Variants in SLC22A15 observed in about 807,000 individuals in gnomAD.
SLC22A15 encodes flipt 1.
A neutral mutation model predicts 62.7 loss-of-function variants in SLC22A15; 45 were observed. The observed-to-expected ratio is 0.72, with a 90% CI of 0.56 to 0.92. SLC22A15 has a LOEUF of 0.92. SLC22A15 is among the 40% of genes least tolerant of loss of function. The probability of loss-of-function intolerance (pLI) is 0.00; values close to 1 mark genes in which losing one functional copy is unlikely to be tolerated. For synonymous variants in SLC22A15, 264 were observed against 267.0 expected (o/e 0.99, Z 0.11); for missense variants, 622 against 665.6 (o/e 0.93, Z 0.72).
chr1:116,048,915 C>T (rs912561247), intron 8 of SLC22A15, among the ~76,000 whole-genome samples: 6 of 152,184 alleles, frequency 3.9e-5, no homozygotes, highest in African/African-American at 1.4e-4. Flanking sequence ...AAAGGCATTT[C>T]ATGCAAATGG....
chr1:116,049,870 G>C (rs1043525252), intron 8 of SLC22A15, among the ~76,000 whole-genome samples: 1 of 152,072 alleles, frequency 6.6e-6, no homozygotes, highest in Non-Finnish European at 1.5e-5. Context: ...ACCAAGAAAA[G>C]AGAGAAAATC....
At chr1:116,041,823 T>C (rs1408456497) in intron 8 of SLC22A15, among the ~76,000 whole-genome samples, 1 of 152,118 alleles carries the variant, frequency 6.6e-6, no homozygotes, top group Admixed American at 6.5e-5. Context: ...CACCAGAAAG[T>C]GGCAGGCAGA....
At position 116,068,314 on chromosome 1, in the gene SLC22A15, T is replaced by C. The variant is rs1658543458; in HGVS notation, c.*1206T>C. 1 of 152,630 alleles carries C rather than the reference T, an allele frequency of 6.6e-6. No individual in the cohort carries two copies. Among genetic ancestry groups the C allele is most frequent in the Admixed American group, 6.5e-5 (1 of 15,286 alleles). The allele number at this position is 152,630 out of a possible 1,614,324, so 9.5% of individuals were successfully genotyped here. A position where few individuals can be genotyped will look rare whatever the true frequency, so the allele number is the denominator to read the frequency against. On this transcript the variant is annotated 3_prime_UTR_variant, in exon 12 of 12. Coordinates refer to ENST00000369503, the MANE Select transcript of SLC22A15 (RefSeq NM_018420.3). Reference sequence around the variant, plus strand: ...CAAGCTTAGGCAGCATTGATTTAGGTCACTTTCCCAGTGAGGAAAATTTCT... The same window carrying C: ...CAAGCTTAGGCAGCATTGATTTAGGCCACTTTCCCAGTGAGGAAAATTTCT...
chr1:115,999,412 T>C (rs1655596870), intron 2 of SLC22A15, among the ~76,000 whole-genome samples: 1 of 152,214 alleles, frequency 6.6e-6, no homozygotes, highest in South Asian at 2.1e-4. Flanking sequence ...CAGCAACTAT[T>C]GTATTGGGGT....
intron 8 of SLC22A15, among the ~76,000 whole-genome samples, chr1:116,049,817 C>A (rs927618943): frequency 6.6e-6 from 1 of 152,082 alleles, no homozygotes; most frequent in African/African-American, 2.4e-5. Context: ...AAAGCCAGTT[C>A]TTTGAAAAGA....
intron 1 of SLC22A15, among the ~76,000 whole-genome samples, chr1:115,989,264 T>C (rs897175638): frequency 6.6e-6 from 1 of 152,168 alleles, no homozygotes; most frequent in African/African-American, 2.4e-5. Context: ...AACTGGTTAA[T>C]ACTGATTAAT....
rs892779618 is a variant in SLC22A15, at chr1:115,983,063, C to G, written c.87+6349C>G. On this transcript the variant is annotated intron_variant, in intron 1 of 11. Coordinates refer to ENST00000369503, the MANE Select transcript of SLC22A15 (RefSeq NM_018420.3). ...GTGATAGAGTTATGCCCTTCTGGAG[C>G]CTTCTTTAGTTGTGTTTATCTAAGG... is the stretch of plus-strand genomic sequence containing the variant. 2.6e-5 allele frequency among the ~76,000 whole-genome samples: 4 copies of G among 152,158 alleles called. No individual in the cohort carries two copies. In the East Asian group the frequency reaches 7.7e-4, roughly 29 times the overall value.
rs968448066 is a variant in SLC22A15 at position 115,992,225 on chromosome 1, C to T, written c.282C>T (p.Phe94=). The T allele has an allele frequency of 1.3e-6, 2 of 1,591,598 alleles. No individual in the cohort carries two copies. Among genetic ancestry groups the T allele is most frequent in the Admixed American group, 1.8e-5 (1 of 56,378 alleles). ...IHKHVHFSSS[F]TSIASEWFLI... ...AGCACGTGCATTTCAGCAGCAGCTT[C>T]ACCTCCATCGCCTCGGAGGTAACAA... Residue 94 remains phenylalanine, a synonymous_variant, in exon 2 of 12, where the codon TTC becomes TTT. Transcript: ENST00000369503.
chr1:116,013,230 G>A (rs1249295402), intron 2 of SLC22A15, among the ~76,000 whole-genome samples: 1 of 152,144 alleles, frequency 6.6e-6, no homozygotes, highest in Non-Finnish European at 1.5e-5. Context: ...TCTCCCTGTT[G>A]TTCCCCAAGC....
chr1:116,016,102 T>C (rs1357808700), intron 2 of SLC22A15, among the ~76,000 whole-genome samples: 1 of 151,732 alleles, frequency 6.6e-6, no homozygotes, highest in Non-Finnish European at 1.5e-5. Context: ...CTTTCTCTCT[T>C]TCTCTCCTTC....
intron 2 of SLC22A15, among the ~76,000 whole-genome samples, chr1:116,003,293 TTG>T (rs1377892642): frequency 6.6e-6 from 1 of 152,174 alleles, no homozygotes. Context: ...CTGCCTGGGA[TTG>T]CAGAAGGGGC....
chr1:116,016,423 C>T (rs1346500893), intron 2 of SLC22A15, among the ~76,000 whole-genome samples: 1 of 152,102 alleles, frequency 6.6e-6, no homozygotes, highest in Non-Finnish European at 1.5e-5. Context: ...GACATGTTTT[C>T]GCCATGTTGC....
chr1:115,985,321 G>T (rs968131413), intron 1 of SLC22A15, among the ~76,000 whole-genome samples: 2 of 152,176 alleles, frequency 1.3e-5, no homozygotes, highest in African/African-American at 4.8e-5. Context: ...GGAGGAATAG[G>T]CTATGCCATA....
rs1407598804 is a variant in SLC22A15 at position 116,067,176 on chromosome 1, C to T, written c.*68C>T. On this transcript the variant is annotated 3_prime_UTR_variant, in exon 12 of 12. Transcript: ENST00000369503. ...TGCCTCTGGCTAAGGCAGGTTCTTC[C>T]ATGACTCCTAAGAGAGTTGTAAAAA... 27 of 1,185,318 alleles carry T rather than the reference C, an allele frequency of 2.3e-5. No homozygotes were observed. The highest frequency in any genetic ancestry group is 3.1e-5 in the Non-Finnish European group (25 of 809,548). 73.4% of individuals were successfully genotyped at this position (1,185,318 alleles called of 1,614,324 possible). A position where few individuals can be genotyped will look rare whatever the true frequency, so the allele number is the denominator to read the frequency against.
chr1:116,046,794 A>C (rs1278611410), intron 8 of SLC22A15, among the ~76,000 whole-genome samples: 1 of 152,062 alleles, frequency 6.6e-6, no homozygotes, highest in Admixed American at 6.5e-5. Context: ...GAGAAACTGC[A>C]GGAGAAGTTT....
chr1:116,030,833 GA>G (rs1296371613), intron 5 of SLC22A15, among the ~76,000 whole-genome samples: 6 of 151,972 alleles, frequency 3.9e-5, no homozygotes, highest in Non-Finnish European at 8.8e-5. Flanking sequence ...GTAGTCTTAA[GA>G]TAATCTCTAC....
At chr1:116,045,980 A>G (rs2101513730) in intron 8 of SLC22A15, among the ~76,000 whole-genome samples, 1 of 152,312 alleles carries the variant, frequency 6.6e-6, no homozygotes, top group East Asian at 1.9e-4. Flanking sequence ...GATGAAAATG[A>G]CATGTTAATT....
intron 2 of SLC22A15, among the ~76,000 whole-genome samples, chr1:116,008,628 T>G (rs916189718): frequency 6.6e-5 from 10 of 152,194 alleles, no homozygotes; most frequent in Admixed American, 3.9e-4. Context: ...CCCAACACAT[T>G]AGGCTGAAAG....
At chr1:116,001,144 ATCATATCT>A (rs1655710172) in intron 2 of SLC22A15, among the ~76,000 whole-genome samples, 1 of 152,136 alleles carries the variant, frequency 6.6e-6, no homozygotes, top group Non-Finnish European at 1.5e-5. Flanking sequence ...GTTTAAATAT[ATCATATCT>A]TTCTCTCCTG....
Sources: allele counts gnomAD v4.1 joint callset (sites outside exome capture counted in the v4.1 genomes callset), GRCh38; gene constraint gnomAD v4.1.1; transcripts MANE v1.5; gene names NCBI Gene and HGNC (gene_info 2026-07-23, HGNC 2026-07-21).